The following CHRM2 variants were observed in gnomAD, a reference collection of about 807,000 sequenced individuals.
The protein encoded by CHRM2 is cholinergic receptor muscarinic 2.
CHRM2 carries 8 observed loss-of-function variants against 25.0 expected under a neutral mutation model. That is an observed-to-expected ratio of 0.32 (90% confidence interval 0.19 to 0.58). The LOEUF is 0.58. Ranked by LOEUF, CHRM2 falls within the 20% of genes least tolerant of loss-of-function variation. The probability of loss-of-function intolerance (pLI) is 0.88; values close to 1 mark genes in which losing one functional copy is unlikely to be tolerated. For missense variants in CHRM2, 440 were observed against 567.1 expected (o/e 0.78, Z 2.28); for synonymous variants, 202 against 205.7 (o/e 0.98, Z 0.15).
intron 2 of CHRM2, among the ~76,000 whole-genome samples, chr7:136,935,164 A>G (rs1799339596): frequency 6.6e-6 from 1 of 152,198 alleles, no homozygotes; most frequent in African/African-American, 2.4e-5. Flanking sequence ...TCTACCATAT[A>G]TTAAGACTCA....
chr7:137,015,532 G>A lies in CHRM2; in HGVS notation c.667G>A (p.Glu223Lys). 1.2e-6 allele frequency: 2 copies of A among 1,612,960 alleles called. No individual in the cohort carries two copies. The highest frequency in any genetic ancestry group is 2.2e-5 in the East Asian group (1 of 44,624). The change falls in exon 4 of 4, where the codon GAG becomes AAG. Residue 223 changes from glutamate to lysine, a missense_variant. By Grantham distance (56) the Glu-to-Lys change is moderately conservative. Transcript: ENST00000680005. This position sits in a 1 kb window ranked among gnomAD's most constrained non-coding sequence, Gnocchi z 5.1. ...SKSRIKKDKK[E>K]PVANQDPVSP... is the part of the protein sequence containing the mutation. ...GAGCAGGATAAAGAAGGACAAGAAG[G>A]AGCCTGTTGCCAACCAAGACCCCGT...
At position 136,977,749 on chromosome 7, in the gene CHRM2, C is replaced by G. The variant is rs933043853; in HGVS notation, c.-124-14438C>G. ...AAAGAATCATTGGTTTAATTTGTTC[C>G]ACTTGTCAATCATTTTTCTTGTTGC... On this transcript the variant is annotated intron_variant, in intron 2 of 3. Coordinates refer to ENST00000680005, the MANE Select transcript of CHRM2 (RefSeq NM_001006630.2). Among the ~76,000 whole-genome samples, 23 of 152,098 alleles carry G rather than the reference C, an allele frequency of 1.5e-4. 1 individual carries two copies. The highest frequency in any genetic ancestry group is 5.3e-4 in the African/African-American group (22 of 41,416).
intron 2 of CHRM2, among the ~76,000 whole-genome samples, chr7:136,886,173 G>C (rs1337082746): frequency 2.6e-5 from 4 of 152,180 alleles, no homozygotes; most frequent in Non-Finnish European, 4.4e-5. Flanking sequence ...AGAATCACAG[G>C]TAGATTGTTA....
chr7:136,949,001 A>T (rs180944533), intron 2 of CHRM2, among the ~76,000 whole-genome samples: 69 of 152,332 alleles, frequency 4.5e-4, no homozygotes, highest in Admixed American at 9.2e-4. Context: ...ATAGAAGGAC[A>T]TCAAGAACAA....
At chr7:136,964,932 G>C (rs1043131767) in intron 2 of CHRM2, among the ~76,000 whole-genome samples, 2 of 152,056 alleles carry the variant, frequency 1.3e-5, no homozygotes, top group African/African-American at 4.8e-5. Flanking sequence ...TTTGAACAAA[G>C]GACCTTCTAG....
intron 2 of CHRM2, among the ~76,000 whole-genome samples, chr7:136,927,721 G>T (rs1182816140): frequency 1.3e-5 from 2 of 152,058 alleles, no homozygotes; most frequent in Middle Eastern, 3.4e-3. Flanking sequence ...GTGTGGAAAT[G>T]GAATCAATAG....
rs191835178 is a variant in CHRM2 at position 136,933,806 on chromosome 7, T to C, written c.-124-58381T>C. 3.3e-5 allele frequency among the ~76,000 whole-genome samples: 5 copies of C among 152,238 alleles called. No individual in the cohort carries two copies. In the East Asian group the frequency reaches 9.6e-4, roughly 29 times the overall value. On this transcript the variant is annotated intron_variant, in intron 2 of 3. Coordinates refer to ENST00000680005, the MANE Select transcript of CHRM2 (RefSeq NM_001006630.2). ...CAGTAGTCTAGGTGAAAGAAGTCCA[T>C]CACAAAGGACAACACACCATATAGT...
chr7:137,005,374 T>C (rs2131085376), intron 3 of CHRM2, among the ~76,000 whole-genome samples: 1 of 152,244 alleles, frequency 6.6e-6, no homozygotes, highest in South Asian at 2.1e-4. Flanking sequence ...TAAGTGTCCT[T>C]GTCTCTACTT....
chr7:136,917,219 T>TCGCC (rs931165119), intron 2 of CHRM2, among the ~76,000 whole-genome samples: 6 of 151,876 alleles, frequency 4.0e-5, no homozygotes, highest in African/African-American at 1.5e-4. Context: ...TAATACCTGC[T>TCGCC]CGCCGTCCTC....
chr7:137,015,582 G>C lies in CHRM2; in HGVS notation c.717G>C (p.Arg239Ser). 1 of 1,612,878 alleles carries C rather than the reference G, an allele frequency of 6.2e-7. No individual in the cohort carries two copies. The highest frequency in any genetic ancestry group is 8.5e-7 in the Non-Finnish European group (1 of 1,179,504). Residue 239 changes from arginine to serine, a missense_variant, in exon 4 of 4, where the codon AGG becomes AGC. Coordinates refer to ENST00000680005, the MANE Select transcript of CHRM2 (RefSeq NM_001006630.2). This position sits in a 1 kb window ranked among gnomAD's most constrained non-coding sequence, Gnocchi z 5.1. ...TTTCTCCAAGTCTGGTACAAGGAAG[G>C]ATAGTGAAGCCAAACAATAACAACA... ...DPVSPSLVQG[R>S]IVKPNNNNMP...
chr7:137,010,042 T>C (rs2131105675), intron 3 of CHRM2, among the ~76,000 whole-genome samples: 1 of 152,170 alleles, frequency 6.6e-6, no homozygotes, highest in East Asian at 1.9e-4. Flanking sequence ...TTAATACTAA[T>C]AGATCATAGT....
chr7:136,924,524 A>C (rs1798633068), intron 2 of CHRM2, among the ~76,000 whole-genome samples: 1 of 152,046 alleles, frequency 6.6e-6, no homozygotes, highest in African/African-American at 2.4e-5. Flanking sequence ...ATCCATACAC[A>C]CATTATTTCT....
rs1249877610 is a variant in CHRM2, at chr7:136,917,346, G to C, written c.-125+47928G>C. 3.3e-5 allele frequency among the ~76,000 whole-genome samples: 5 copies of C among 151,962 alleles called. No homozygotes were observed. In the East Asian group the frequency reaches 7.8e-4, roughly 24 times the overall value. Reference sequence around the variant, plus strand: ...ATCCTTTCCTATCGTCTGATGTGGGGAAGTGATGTGTGGATAATAAGCTAC... The same window carrying C: ...ATCCTTTCCTATCGTCTGATGTGGGCAAGTGATGTGTGGATAATAAGCTAC... On this transcript the variant is annotated intron_variant, in intron 2 of 3. Transcript: ENST00000680005.
At position 137,015,797 on chromosome 7, in the gene CHRM2, C is replaced by A. The variant is rs776902210; in HGVS notation, c.932C>A (p.Ser311Tyr). The stretch of plus-strand genomic sequence containing the variant: ...CAGGATGAAAACACAGTTTCCACTT[C>A]CCTGGGCCATTCCAAAGATGAGAAC... ...ITQDENTVST[S>Y]LGHSKDENSK... The change falls in exon 4 of 4, where the codon TCC becomes TAC. Residue 311 changes from serine (S) to tyrosine (Y), a missense_variant. Physicochemically the swap from Ser to Tyr is moderately radical, Grantham distance 144. Around this residue, in one of 5 missense-constraint regions of CHRM2, gnomAD observed 261 missense variants for 261.8 expected, o/e 1.00. Coordinates refer to ENST00000680005, the MANE Select transcript of CHRM2 (RefSeq NM_001006630.2). This position sits in a 1 kb window ranked among gnomAD's most constrained non-coding sequence, Gnocchi z 5.1. 1 of 1,613,132 alleles carries A rather than the reference C, an allele frequency of 6.2e-7. No homozygotes were observed. The highest frequency in any genetic ancestry group is 2.2e-5 in the East Asian group (1 of 44,752).
At chr7:136,995,268 A>C (rs2131035927) in intron 3 of CHRM2, among the ~76,000 whole-genome samples, 1 of 152,246 alleles carries the variant, frequency 6.6e-6, no homozygotes, top group East Asian at 1.9e-4. Flanking sequence ...AAAAATAAGG[A>C]AGGTCGACCT....
At chr7:136,954,467 A>G (rs1013292251) in intron 2 of CHRM2, among the ~76,000 whole-genome samples, 2 of 152,142 alleles carry the variant, frequency 1.3e-5, no homozygotes, top group African/African-American at 4.8e-5. Flanking sequence ...AGATCTTACT[A>G]AATTGTAGAT....
In CHRM2 at chr7:136,982,555, G is replaced by C. The variant is rs1802556746; in HGVS notation, c.-124-9632G>C. Among the ~76,000 whole-genome samples the C allele has an allele frequency of 2.0e-5, 3 of 152,052 alleles. No homozygotes were observed. The South Asian group carries it at 6.2e-4, about 31-fold the overall frequency. ...TCATAGTCAATGGTCTTTACATTTT[G>C]GTTTGTTTTTGCAGTGGCTGGTACC... On this transcript the variant is annotated intron_variant, in intron 2 of 3. Coordinates refer to ENST00000680005, the MANE Select transcript of CHRM2 (RefSeq NM_001006630.2).
At chr7:136,914,219 C>T (rs1797987564) in intron 2 of CHRM2, 1 of 151,954 alleles carries the variant, frequency 6.6e-6, no homozygotes, top group Non-Finnish European at 1.5e-5. Context: ...ATTACGCAAT[C>T]ACTGAAGTGG....
intron 2 of CHRM2, among the ~76,000 whole-genome samples, chr7:136,940,474 A>C (rs2130814441): frequency 6.6e-6 from 1 of 152,332 alleles, no homozygotes; most frequent in Admixed American, 6.5e-5. Context: ...CTTTGACTGT[A>C]GAATGGAGTC....
Sources: allele counts gnomAD v4.1 joint callset (sites outside exome capture counted in the v4.1 genomes callset), GRCh38; gene constraint gnomAD v4.1.1; regional missense constraint gnomAD v4.1.1; non-coding constraint Gnocchi (gnomAD v3.1); transcripts MANE v1.5; gene names NCBI Gene and HGNC (gene_info 2026-07-23, HGNC 2026-07-21).